The following SWAP70 variants were observed in gnomAD, a reference collection of about 807,000 sequenced individuals.
SWAP70 encodes the protein switch-associated protein 70.
A neutral mutation model predicts 80.2 loss-of-function variants in SWAP70; 34 were observed. The ratio of observed to expected loss-of-function variants is 0.42; its 90% confidence interval spans 0.32 to 0.56. The LOEUF is 0.56. SWAP70 is among the 20% of genes least tolerant of loss of function. The probability of loss-of-function intolerance (pLI) is 0.09; values close to 1 mark genes in which losing one functional copy is unlikely to be tolerated. For missense variants in SWAP70, 578 were observed against 690.7 expected (o/e 0.84, Z 1.83); for synonymous variants, 239 against 238.5 (o/e 1.00, Z -0.02).
At position 9,670,053 on chromosome 11, in the gene SWAP70, G is replaced by T. The variant is rs184843012; in HGVS notation, c.99+5775G>T. On this transcript the variant is annotated intron_variant, in intron 1 of 11. Coordinates refer to ENST00000318950, the MANE Select transcript of SWAP70 (RefSeq NM_015055.4). ...GAGGCAGGAGAATCACTTGAACCTG[G>T]GAGGCGGAGGTTGCAGTGAGCCGAT... Among the ~76,000 whole-genome samples the T allele has an allele frequency of 2.3e-3, 345 of 152,314 alleles. 2 individuals are homozygous for T. Among genetic ancestry groups the T allele is most frequent in the African/African-American group, 7.8e-3 (325 of 41,560 alleles).
At position 9,723,791 on chromosome 11, in the gene SWAP70, T is replaced by G. The variant is rs549058002; in HGVS notation, c.415-867T>G. Among the ~76,000 whole-genome samples, 620 of 118,856 alleles carry G rather than the reference T, an allele frequency of 5.2e-3. 3 individuals carry two copies. The highest frequency in any genetic ancestry group is 0.019 in the African/African-American group (586 of 30,942). 78.0% of individuals were successfully genotyped at this position (118,856 alleles called of 152,430 possible). A position where few individuals can be genotyped will look rare whatever the true frequency, so the allele number is the denominator to read the frequency against. On this transcript the variant is annotated intron_variant, in intron 3 of 11. Transcript: ENST00000318950. ...CTTTACTTTTTTTTTTTTTTTTTTT[T>G]GAAACAAGAGTCTTGCTCTTGCCCA...
chr11:9,687,248 C>T lies in SWAP70; in HGVS notation c.100-6898C>T, dbSNP rs769093034. Among the ~76,000 whole-genome samples the T allele has an allele frequency of 8.2e-4, 125 of 152,240 alleles. 1 individual carries two copies. The highest frequency in any genetic ancestry group is 2.9e-4 in the Non-Finnish European group (20 of 68,008). Reference sequence around the variant, plus strand: ...CCTTGTAAAAAAGTATCACAATAACCATATTTAAAGGCATTCTTAGTAGAG... The same window carrying T: ...CCTTGTAAAAAAGTATCACAATAACTATATTTAAAGGCATTCTTAGTAGAG... On this transcript the variant is annotated intron_variant, in intron 1 of 11. Coordinates refer to ENST00000318950, the MANE Select transcript of SWAP70 (RefSeq NM_015055.4).
At position 9,730,881 on chromosome 11, in the gene SWAP70, A is replaced by C. The variant is rs79718284; in HGVS notation, c.898+1430A>C. On this transcript the variant is annotated intron_variant, in intron 6 of 11. Transcript: ENST00000318950. ...GGTATGATTGAATCTATCACCCAGGAAGTGAGCATTGTACCCAACAGCTAG... is the reference window on the plus strand; with the variant it reads ...GGTATGATTGAATCTATCACCCAGGCAGTGAGCATTGTACCCAACAGCTAG... Among the ~76,000 whole-genome samples the C allele has an allele frequency of 7.8e-3, 1,193 of 152,284 alleles. 13 individuals are homozygous for C. Among genetic ancestry groups the C allele is most frequent in the African/African-American group, 0.027 (1,124 of 41,552 alleles).
intron 1 of SWAP70, among the ~76,000 whole-genome samples, chr11:9,671,495 T>C (rs1275696508): frequency 2.3e-5 from 2 of 87,484 alleles, no homozygotes; most frequent in Non-Finnish European, 4.0e-5. Flanking sequence ...TATAAATATA[T>C]ATATAAATAT....
intron 7 of SWAP70, among the ~76,000 whole-genome samples, chr11:9,735,572 C>T (rs542170880): frequency 5.8e-4 from 88 of 152,272 alleles, no homozygotes; most frequent in African/African-American, 2.0e-3. Flanking sequence ...TTATGAAATC[C>T]GGGCTGATGG....
intron 1 of SWAP70, among the ~76,000 whole-genome samples, chr11:9,688,988 C>A (rs1163185246): frequency 6.6e-6 from 1 of 152,046 alleles, no homozygotes; most frequent in Non-Finnish European, 1.5e-5. Flanking sequence ...ATAAATCAGA[C>A]AGGAATTTTA....
chr11:9,668,974 A>T (rs1554982135), intron 1 of SWAP70, among the ~76,000 whole-genome samples: 1 of 152,014 alleles, frequency 6.6e-6, no homozygotes, highest in Non-Finnish European at 1.5e-5. Flanking sequence ...AAGAAGGCAC[A>T]CTCTCTCTCT....
At chr11:9,744,483 A>G (rs953031354) in intron 9 of SWAP70, among the ~76,000 whole-genome samples, 4 of 152,344 alleles carry the variant, frequency 2.6e-5, no homozygotes, top group South Asian at 2.1e-4. Context: ...TTTTAAATGT[A>G]CAATTAAATT....
chr11:9,749,333 G>A (rs565902838), intron 11 of SWAP70, 150 bp downstream of exon 11: 184 of 264,570 alleles, frequency 7.0e-4, no homozygotes, highest in African/African-American at 3.8e-3. Context: ...TGCAAGCTCC[G>A]CCTCCTGGGT....
chr11:9,714,807 A>AT (rs71034737), intron 3 of SWAP70, among the ~76,000 whole-genome samples: 3,047 of 127,598 alleles, frequency 0.024, 60 homozygotes, highest in East Asian at 0.049. Context: ...CCAAAAGGGG[A>AT]TTTTTTTTTT....
At chr11:9,740,050 G>C in intron 8 of SWAP70, 131 bp from the exon 9 acceptor site, 1 of 718,364 alleles carries the variant, frequency 1.4e-6, no homozygotes, top group Non-Finnish European at 2.3e-6. Context: ...TAAGTTCAAG[G>C]ATTGAAGGAC....
chr11:9,727,031 A>G lies in SWAP70; in HGVS notation c.643-1022A>G, dbSNP rs1239159481. 1.1e-5 allele frequency: 5 copies of G among 451,848 alleles called. No homozygotes were observed. The East Asian group carries it at 2.8e-4, about 25-fold the overall frequency. 28.0% of individuals were successfully genotyped at this position (451,848 alleles called of 1,614,324 possible). A position where few individuals can be genotyped will look rare whatever the true frequency, so the allele number is the denominator to read the frequency against. ...TATGTGGCCAAGCTTTAGCATTTTC[A>G]TTGATTGAGGTTTTACTTACCTCAG... On this transcript the variant is annotated intron_variant, in intron 4 of 11. Transcript: ENST00000318950.
Position 9,740,364 on chromosome 11 carries a change from C to A in SWAP70, c.1355+17C>A. ...TCAGGCCAGGTGCCAGATTTGTTTG[C>A]AGACTTTGCCTTTATGTACTTTGCC... is the stretch of plus-strand genomic sequence containing the variant. On this transcript the variant is annotated intron_variant, in intron 9 of 11. Coordinates refer to ENST00000318950, the MANE Select transcript of SWAP70 (RefSeq NM_015055.4). 1 of 1,613,900 alleles carries A rather than the reference C, an allele frequency of 6.2e-7. No homozygotes were observed. Among genetic ancestry groups the A allele is most frequent in the Non-Finnish European group, 8.5e-7 (1 of 1,179,764 alleles).
rs1340523624 is a variant in SWAP70 at position 9,694,205 on chromosome 11, A to C, written c.159A>C (p.Glu53Asp). Reference sequence around the variant, plus strand: ...TTCCTCATGACCCAGTTGCCCTTGAAGAGCACTTCAGGGATGATGATGAGG... The same window carrying C: ...TTCCTCATGACCCAGTTGCCCTTGACGAGCACTTCAGGGATGATGATGAGG... ...LKVPHDPVAL[E>D]EHFRDDDEGP... is the part of the protein sequence containing the mutation. Residue 53 changes from glutamate (E) to aspartate (D), a missense_variant, in exon 2 of 12, where the codon GAA becomes GAC. Coordinates refer to ENST00000318950, the MANE Select transcript of SWAP70 (RefSeq NM_015055.4). 1.2e-6 allele frequency: 2 copies of C among 1,613,218 alleles called. No individual in the cohort carries two copies. The highest frequency in any genetic ancestry group is 2.7e-5 in the African/African-American group (2 of 74,990).
At position 9,746,202 on chromosome 11, in the gene SWAP70, C is replaced by G. The variant is rs74571435; in HGVS notation, c.1356-1656C>G. On this transcript the variant is annotated intron_variant, in intron 9 of 11. Transcript: ENST00000318950. ...TGTGCCTCCACCATACCCTAGCTGC[C>G]AAGGGGTGGGAGGGCAGGTGTCTGG... Among the ~76,000 whole-genome samples the G allele has an allele frequency of 3.1e-3, 477 of 152,288 alleles. 3 individuals are homozygous for G. Among genetic ancestry groups the G allele is most frequent in the African/African-American group, 0.011 (463 of 41,562 alleles).
rs373881926 is a variant in SWAP70, at chr11:9,732,621, C to T, written c.991C>T (p.Leu331=). ...TCGGAAAGAACTCCGGAAGAAGCAG[C>T]TGGCTGAACAAGAGGAACTGGAGCG... ...QRRKELRKKQ[L]AEQEELERQM... Residue 331 remains leucine (L), a synonymous_variant, in exon 7 of 12, where the codon CTG becomes TTG. Coordinates refer to ENST00000318950, the MANE Select transcript of SWAP70 (RefSeq NM_015055.4). 1 of 1,592,688 alleles carries T rather than the reference C, an allele frequency of 6.3e-7. No homozygotes were observed. Among genetic ancestry groups the T allele is most frequent in the Admixed American group, 1.7e-5 (1 of 57,888 alleles).
At chr11:9,748,612 A>G (rs534770108) in intron 10 of SWAP70, among the ~76,000 whole-genome samples, 19 of 152,332 alleles carry the variant, frequency 1.2e-4, no homozygotes, top group African/African-American at 4.6e-4. Context: ...GTGCCACAGG[A>G]GCCGCTGAGT....
intron 7 of SWAP70, 66 bp from the exon 8 acceptor site, chr11:9,738,146 CT>C: frequency 9.3e-7 from 1 of 1,069,772 alleles, no homozygotes; most frequent in South Asian, 1.9e-5. Flanking sequence ...GTATGACTGT[CT>C]CTCTCTCTTT....
chr11:9,724,181 T>G (rs1042129565), intron 3 of SWAP70, among the ~76,000 whole-genome samples: 5 of 152,274 alleles, frequency 3.3e-5, no homozygotes, highest in African/African-American at 9.6e-5. Context: ...TTTACAACAT[T>G]GTAGTGTTCC....
Sources: allele counts gnomAD v4.1 joint callset (sites outside exome capture counted in the v4.1 genomes callset), GRCh38; gene constraint gnomAD v4.1.1; transcripts MANE v1.5; gene names NCBI Gene and HGNC (gene_info 2026-07-23, HGNC 2026-07-21).